The following ZNF33B variants were observed in gnomAD, a reference collection of about 807,000 sequenced individuals.
ZNF33B encodes zinc finger protein 33B.
Under a neutral mutation model 45.8 loss-of-function variants are expected in ZNF33B, and 29 were observed. That is an observed-to-expected ratio of 0.63 (90% CI 0.47 to 0.86). The LOEUF is 0.86. ZNF33B is among the 40% of genes least tolerant of loss of function. The pLI is 0.00. For missense variants in ZNF33B, 831 were observed against 909.9 expected (o/e 0.91, Z 1.12); for synonymous variants, 305 against 307.8 (o/e 0.99, Z 0.10).
downstream of ZNF33B, among the ~76,000 whole-genome samples, chr10:42,588,283 G>A (rs542018005): frequency 6.6e-6 from 1 of 152,280 alleles, no homozygotes; most frequent in East Asian, 1.9e-4. Context: ...TTTTAGGATG[G>A]GAAGAGATGT....
At chr10:42,630,813 C>A (rs1038486083) in intron 4 of ZNF33B, among the ~76,000 whole-genome samples, 3 of 152,172 alleles carry the variant, frequency 2.0e-5, no homozygotes, top group African/African-American at 7.2e-5. Flanking sequence ...TACCACTAAA[C>A]AGATTTTAAC....
At position 42,593,761 on chromosome 10, in the gene ZNF33B, T is replaced by C. The variant is rs757149666; in HGVS notation, c.1189A>G (p.Lys397Glu). The C allele has an allele frequency of 6.2e-7, 1 of 1,613,938 alleles. No homozygotes were observed. The highest frequency in any genetic ancestry group is 1.1e-5 in the South Asian group (1 of 91,058). Residue 397 changes from lysine to glutamate, a missense_variant, in exon 5 of 5, where the codon AAG (lysine) becomes GAG (glutamate). Coordinates refer to ENST00000359467, the MANE Select transcript of ZNF33B (RefSeq NM_006955.3). ...CTCTGGTGTAATGTGAGGGCTGACTTATGGCTAAAGGCTTTCCCACATTCA... is the reference window on the plus strand; with the variant it reads ...CTCTGGTGTAATGTGAGGGCTGACTCATGGCTAAAGGCTTTCCCACATTCA... ...CNECGKAFSHKSALTLHQRTH... is the reference protein window; with the variant it reads ...CNECGKAFSHESALTLHQRTH...
At chr10:42,609,068 G>C (rs1308478630) in intron 4 of ZNF33B, among the ~76,000 whole-genome samples, 1 of 151,970 alleles carries the variant, frequency 6.6e-6, no homozygotes, top group Non-Finnish European at 1.5e-5. Flanking sequence ...AGAAGAAAAA[G>C]AAAAATCTGA....
chr10:42,617,089 T>C (rs1298055024), intron 4 of ZNF33B, among the ~76,000 whole-genome samples: 1 of 137,110 alleles, frequency 7.3e-6, no homozygotes, highest in Non-Finnish European at 1.6e-5. Flanking sequence ...GTTCATTTTT[T>C]CTCTTTTTTT....
At chr10:42,578,784 T>C (rs1836783667) in intron 1 of ZNF33B, 1 of 152,276 alleles carries the variant, frequency 6.6e-6, no homozygotes, top group Admixed American at 6.5e-5. Flanking sequence ...TGAAGCACAG[T>C]GACCCAGATG....
intron 4 of ZNF33B, chr10:42,631,666 C>A: frequency 2.7e-6 from 1 of 368,282 alleles, no homozygotes; most frequent in Non-Finnish European, 4.9e-6. Context: ...AGAAAAACAA[C>A]AGTAAAGTTG....
Position 42,594,160 on chromosome 10 carries a change from A to G in ZNF33B, c.790T>C (p.Phe264Leu). 1 of 1,613,924 alleles carries G rather than the reference A, an allele frequency of 6.2e-7. No individual in the cohort carries two copies. Among genetic ancestry groups the G allele is most frequent in the South Asian group, 1.1e-5 (1 of 91,076 alleles). Residue 264 changes from phenylalanine (F) to leucine (L), a missense_variant, in exon 5 of 5, where the codon TTC becomes CTC. Physicochemically the swap from Phe to Leu is conservative, Grantham distance 22. Coordinates refer to ENST00000359467, the MANE Select transcript of ZNF33B (RefSeq NM_006955.3). ...RTFCDSSSLLFHQIPPSKDSH... is the reference protein window; with the variant it reads ...RTFCDSSSLLLHQIPPSKDSH... The stretch of plus-strand genomic sequence containing the variant: ...TCCTTTGATGGAGGTATCTGATGGA[A>G]CAAGAGGGATGAACTATCACAGAAA...
chr10:42,605,552 A>C (rs1837806245), intron 4 of ZNF33B, among the ~76,000 whole-genome samples: 1 of 152,186 alleles, frequency 6.6e-6, no homozygotes, highest in Non-Finnish European at 1.5e-5. Context: ...GAAACCAAAA[A>C]AACTTGAGAA....
intron 4 of ZNF33B, among the ~76,000 whole-genome samples, chr10:42,610,644 A>G (rs1437742591): frequency 2.0e-5 from 3 of 152,244 alleles, no homozygotes; most frequent in Admixed American, 6.5e-5. Context: ...GAAAACCACA[A>G]AACAATGATG....
At chr10:42,614,053 T>C (rs1838210964) in intron 4 of ZNF33B, among the ~76,000 whole-genome samples, 1 of 152,346 alleles carries the variant, frequency 6.6e-6, no homozygotes, top group East Asian at 1.9e-4. Context: ...ATGTGTACAA[T>C]ATGGAAAATA....
intron 4 of ZNF33B, among the ~76,000 whole-genome samples, chr10:42,600,972 G>C (rs1168453520): frequency 1.3e-5 from 2 of 152,142 alleles, no homozygotes; most frequent in East Asian, 3.9e-4. Flanking sequence ...AACATGTCTT[G>C]TGATGCAGGT....
At chr10:42,583,492 TTTG>T in intron 1 of ZNF33B, 2 of 252,514 alleles carry the variant, frequency 7.9e-6, no homozygotes, top group South Asian at 9.9e-5. Context: ...TTGAGAGTTC[TTTG>T]TTATGAGGGT....
At position 42,602,918 on chromosome 10, in the gene ZNF33B, T is replaced by C. The variant is rs116638829; in HGVS notation, c.251-8219A>G. The stretch of plus-strand genomic sequence containing the variant: ...CCCTTTACAGATCTCCAGGCCTCTC[T>C]CTGTGTGCATCTATCTCCTGCAAGC... On this transcript the variant is annotated intron_variant, in intron 4 of 4. Transcript: ENST00000359467. Among the ~76,000 whole-genome samples, 1,362 of 152,238 alleles carry C rather than the reference T, an allele frequency of 8.9e-3. 15 individuals carry two copies. Among genetic ancestry groups the C allele is most frequent in the African/African-American group, 0.031 (1,276 of 41,532 alleles).
At chr10:42,631,490 T>G (rs1839052382) in intron 4 of ZNF33B, among the ~76,000 whole-genome samples, 1 of 152,180 alleles carries the variant, frequency 6.6e-6, no homozygotes. Flanking sequence ...TGAGCTACCA[T>G]GCCTGGCCTA....
chr10:42,599,596 A>G (rs1209273626), intron 4 of ZNF33B, among the ~76,000 whole-genome samples: 1 of 151,994 alleles, frequency 6.6e-6, no homozygotes, highest in Non-Finnish European at 1.5e-5. Context: ...AACGTCATAT[A>G]TGCATTTACA....
intron 4 of ZNF33B, among the ~76,000 whole-genome samples, chr10:42,613,873 A>G (rs1838202283): frequency 6.6e-6 from 1 of 152,248 alleles, no homozygotes. Flanking sequence ...CTCAAATAAA[A>G]GGAAACAGGG....
At chr10:42,623,528 T>C (rs1838679946) in intron 4 of ZNF33B, among the ~76,000 whole-genome samples, 1 of 152,142 alleles carries the variant, frequency 6.6e-6, no homozygotes, top group Non-Finnish European at 1.5e-5. Context: ...CTTGTTACAA[T>C]ACAGATGAAA....
At chr10:42,606,371 A>G (rs1837851933) in intron 4 of ZNF33B, among the ~76,000 whole-genome samples, 1 of 152,076 alleles carries the variant, frequency 6.6e-6, no homozygotes, top group Non-Finnish European at 1.5e-5. Context: ...AGGCTGAGAC[A>G]GAAGAATCAC....
downstream of ZNF33B, among the ~76,000 whole-genome samples, chr10:42,586,241 C>T (rs1316628481): frequency 1.3e-5 from 2 of 148,566 alleles, no homozygotes; most frequent in Admixed American, 6.7e-5. Flanking sequence ...GCAAGCTCCG[C>T]CTCCCAGGTT....
Sources: gnomAD v4.1 joint callset for allele counts (sites outside exome capture counted in the v4.1 genomes callset) on GRCh38, gnomAD v4.1.1 for gene constraint, MANE v1.5 for transcripts, NCBI Gene and HGNC (gene_info 2026-07-23, HGNC 2026-07-21) for gene names.